The following OPRM1 variants were observed in gnomAD, a reference collection of about 807,000 sequenced individuals.
OPRM1 encodes opioid receptor mu 1.
In OPRM1, 27 loss-of-function variants were observed where a neutral mutation model predicts 31.8. That is an observed-to-expected ratio of 0.85 (90% CI 0.63 to 1.17). The LOEUF (loss-of-function observed/expected upper bound fraction) is 1.17. OPRM1 is among the 50% of genes most tolerant of loss of function. The probability of loss-of-function intolerance (pLI) is 0.00; values close to 1 mark genes in which losing one functional copy is unlikely to be tolerated. For missense variants in OPRM1, 536 were observed against 511.1 expected (o/e 1.05, Z -0.47); for synonymous variants, 196 against 189.9 (o/e 1.03, Z -0.26).
chr6:154,213,979 C>G (rs548251503), intron 3 of OPRM1, among the ~76,000 whole-genome samples: 194 of 152,328 alleles, frequency 1.3e-3, no homozygotes, highest in African/African-American at 4.5e-3. Flanking sequence ...ATGAAGCCCA[C>G]AGCTGCCGGA....
At chr6:154,215,421 G>A (rs790255) in intron 3 of OPRM1, among the ~76,000 whole-genome samples, 2 of 151,756 alleles carry the variant, frequency 1.3e-5, no homozygotes, top group Non-Finnish European at 2.9e-5. Flanking sequence ...CTGACCAACA[G>A]GGAGAAACCC....
chr6:154,020,655 G>A (rs1039332318), intron 1 of OPRM1, among the ~76,000 whole-genome samples: 10 of 152,148 alleles, frequency 6.6e-5, no homozygotes, highest in African/African-American at 1.9e-4. Context: ...CTACCATCAC[G>A]CATTCCCACC....
At chr6:154,173,110 G>C (rs1800011139) in intron 3 of OPRM1, among the ~76,000 whole-genome samples, 2 of 152,176 alleles carry the variant, frequency 1.3e-5, no homozygotes, top group Admixed American at 6.5e-5. Context: ...CAAACAGAAA[G>C]AAATAGCATC....
chr6:154,152,378 AAGAAAGAAAGAAAG>A, intron 3 of OPRM1, among the ~76,000 whole-genome samples: 1 of 150,348 alleles, frequency 6.7e-6, no homozygotes, highest in African/African-American at 2.5e-5. Context: ...GAAAGAAAGA[AAGAAAGAAAGAAAG>A]AGAAATAGTG....
At chr6:154,033,033 T>C (rs1779098300) in intron 1 of OPRM1, among the ~76,000 whole-genome samples, 1 of 152,216 alleles carries the variant, frequency 6.6e-6, no homozygotes, top group Non-Finnish European at 1.5e-5. Flanking sequence ...GATTTGAGAT[T>C]ACTTAAGAAT....
At chr6:154,038,354 G>A (rs1779444142), upstream of OPRM1, among the ~76,000 whole-genome samples, 1 of 151,950 alleles carries the variant, frequency 6.6e-6, no homozygotes, top group Admixed American at 6.6e-5. Flanking sequence ...ACTTACTCTT[G>A]GTATTTACAA....
chr6:154,129,858 A>G lies in OPRM1; in HGVS notation c.*11137A>G, dbSNP rs1321113093. ...CCGACACCCTCCCCCCCCAGCACACACACACACACACACACACACACACAC... is the reference window on the plus strand; with the variant it reads ...CCGACACCCTCCCCCCCCAGCACACGCACACACACACACACACACACACAC... On this transcript the variant is annotated 3_prime_UTR_variant, in exon 4 of 4. Transcript: ENST00000330432. Among the ~76,000 whole-genome samples the G allele has an allele frequency of 2.3e-4, 31 of 133,742 alleles. No individual in the cohort carries two copies. Among genetic ancestry groups the G allele is most frequent in the South Asian group, 2.0e-3 (9 of 4,500 alleles). 87.7% of individuals were successfully genotyped at this position (133,742 alleles called of 152,430 possible). A position where few individuals can be genotyped will look rare whatever the true frequency, so the allele number is the denominator to read the frequency against.
chr6:154,190,618 A>G (rs1381542227), intron 3 of OPRM1, among the ~76,000 whole-genome samples: 1 of 152,192 alleles, frequency 6.6e-6, no homozygotes, highest in African/African-American at 2.4e-5. Flanking sequence ...ATACAGTTAA[A>G]CATACTCTTA....
chr6:154,017,674 C>A (rs890087656), intron 1 of OPRM1, among the ~76,000 whole-genome samples: 5 of 152,116 alleles, frequency 3.3e-5, no homozygotes, highest in Admixed American at 3.3e-4. Flanking sequence ...TCTGAAGGAG[C>A]CATAAAGCCT....
At chr6:154,096,489 G>A (rs1460820059) in intron 3 of OPRM1, among the ~76,000 whole-genome samples, 1 of 152,044 alleles carries the variant, frequency 6.6e-6, no homozygotes, top group East Asian at 1.9e-4. Context: ...AAAAGTAATT[G>A]CGGGTTTTGC....
chr6:154,046,503 G>C (rs917625517), intron 1 of OPRM1, among the ~76,000 whole-genome samples: 1 of 152,166 alleles, frequency 6.6e-6, no homozygotes, highest in African/African-American at 2.4e-5. Context: ...ATGTTATATA[G>C]TAACGTTAAG....
rs527913549 is a variant in OPRM1, at chr6:154,243,600, G to A, written c.1165-3093G>A. Among the ~76,000 whole-genome samples, 4 of 152,336 alleles carry A rather than the reference G, an allele frequency of 2.6e-5. No individual in the cohort carries two copies. In the East Asian group the frequency reaches 7.7e-4, roughly 29 times the overall value. On this transcript the variant is annotated intron_variant, in intron 3 of 3. Transcript: ENST00000337049. ...GGATTCAATGACAATGAGATCACAT[G>A]TAATTTCAAAGGAGAGTTGCCCTAA...
intron 3 of OPRM1, among the ~76,000 whole-genome samples, chr6:154,149,285 A>G (rs910820374): frequency 1.3e-5 from 2 of 152,148 alleles, no homozygotes; most frequent in Non-Finnish European, 1.5e-5. Context: ...GGAGAGTGGG[A>G]AAGTCTCTTA....
rs566602103 is a variant in OPRM1 at position 154,207,248 on chromosome 6, C to T, written c.1165-39445C>T. 2.0e-3 allele frequency among the ~76,000 whole-genome samples: 297 copies of T among 152,246 alleles called. 2 individuals carry two copies. Among genetic ancestry groups the T allele is most frequent in the African/African-American group, 6.7e-3 (279 of 41,552 alleles). The stretch of plus-strand genomic sequence containing the variant: ...GTGAATGAAGATGAGCTGTTAAAGC[C>T]AGAGGCAAAAATATAAACACGAATT... On this transcript the variant is annotated intron_variant, in intron 3 of 3. Coordinates refer to the OPRM1 transcript ENST00000337049.
At chr6:154,092,100 A>G (rs2128488457) in intron 3 of OPRM1, 1 of 210,498 alleles carries the variant, frequency 4.8e-6, no homozygotes, top group East Asian at 1.8e-4. Flanking sequence ...AATAAATTTT[A>G]TTAGATTAAA....
At chr6:154,209,643 C>CA (rs34423257) in intron 3 of OPRM1, among the ~76,000 whole-genome samples, 1,963 of 107,814 alleles carry the variant, frequency 0.018, 45 homozygotes, top group East Asian at 0.14. Context: ...GACTGTGTCT[C>CA]AAAAAAAAAA....
chr6:154,143,318 A>G (rs1798270014), intron 3 of OPRM1, among the ~76,000 whole-genome samples: 1 of 152,078 alleles, frequency 6.6e-6, no homozygotes, highest in Non-Finnish European at 1.5e-5. Flanking sequence ...CTCCATCTAT[A>G]CCGATACCTC....
rs73567133 is a variant in OPRM1 at position 154,193,653 on chromosome 6, A to C, written c.1165-53040A>C. ...ACAAGAAGTTATAAGAAAGAGAAGA[A>C]AAATTGAAGACCCCTCTGATAACTT... On this transcript the variant is annotated intron_variant, in intron 3 of 3. Transcript: ENST00000337049. 3.2e-3 allele frequency among the ~76,000 whole-genome samples: 493 copies of C among 152,354 alleles called. 4 individuals carry two copies. The highest frequency in any genetic ancestry group is 0.012 in the African/African-American group (479 of 41,578).
chr6:154,203,199 C>T (rs1562539122), intron 3 of OPRM1, among the ~76,000 whole-genome samples: 2 of 152,166 alleles, frequency 1.3e-5, no homozygotes, highest in African/African-American at 4.8e-5. Flanking sequence ...AAGCAGAAGG[C>T]AGTGCTAGTC....
Sources: gnomAD v4.1 joint callset for allele counts (sites outside exome capture counted in the v4.1 genomes callset) on GRCh38, gnomAD v4.1.1 for gene constraint, MANE v1.5 for transcripts, NCBI Gene and HGNC (gene_info 2026-07-23, HGNC 2026-07-21) for gene names.